Variants in NDUFAF3 observed in about 807,000 individuals in gnomAD.
NDUFAF3 encodes the protein NADH dehydrogenase [ubiquinone] 1 alpha subcomplex assembly factor 3.
In NDUFAF3, 21 loss-of-function variants were observed where a neutral mutation model predicts 22.6. The ratio of observed to expected loss-of-function variants is 0.93; its 90% CI spans 0.66 to 1.34. NDUFAF3 has a LOEUF of 1.34. Ranked by LOEUF, NDUFAF3 falls within the 40% of genes most tolerant of loss-of-function variation. NDUFAF3 has a pLI of 0.00. For synonymous variants in NDUFAF3, 113 were observed against 104.9 expected, an observed-to-expected ratio of 1.08 and a Z score of -0.47; for missense variants, 251 against 248.4, an observed-to-expected ratio of 1.01 and a Z score of -0.07.
In NDUFAF3 at chr3:49,022,821, C is replaced by A. The variant is rs2093174988; in HGVS notation, c.337+53C>A. Reference sequence around the variant, plus strand: ...GGTGTTCTGGGCCCCAGAAGGCGACCCCCACTGCAGCCTCTCAACAGAACT... The same window carrying A: ...GGTGTTCTGGGCCCCAGAAGGCGACACCCACTGCAGCCTCTCAACAGAACT... On this transcript the variant is annotated intron_variant, in intron 3 of 4. Transcript: ENST00000326925. The surrounding 1 kb of genome is among the most constrained non-coding windows in gnomAD (Gnocchi z 6.6). 6.2e-7 allele frequency: 1 copy of A among 1,612,876 alleles called. No individual in the cohort carries two copies. Among genetic ancestry groups the A allele is most frequent in the African/African-American group, 1.3e-5 (1 of 74,874 alleles).
rs1176281752 is a variant in NDUFAF3, at chr3:49,022,543, G to A, written c.270+5G>A. ...CACTCGGTGGTGCAGTGGAACGTGA[G>A]TCCTGGCCCGCAGTGTGGAAACTGA... is the stretch of plus-strand genomic sequence containing the variant. On this transcript the variant is annotated splice_donor_5th_base_variant and intron_variant, in intron 2 of 4. Transcript: ENST00000326925. The surrounding 1 kb of genome is among the most constrained non-coding windows in gnomAD (Gnocchi z 6.6). 1 of 1,613,296 alleles carries A rather than the reference G, an allele frequency of 6.2e-7. No homozygotes were observed. Among genetic ancestry groups the A allele is most frequent in the Admixed American group, 1.7e-5 (1 of 60,018 alleles).
At chr3:49,021,344 G>C (rs2106763517), upstream of NDUFAF3, 1 of 152,726 alleles carries the variant, frequency 6.5e-6, no homozygotes, top group Admixed American at 6.5e-5. This position sits in a 1 kb window ranked among gnomAD's most constrained non-coding sequence, Gnocchi z 4.1. Context: ...CCTTGACTTG[G>C]ATCAAGACGG....
rs1179323912 is a variant in NDUFAF3, at chr3:49,022,812, G to A, written c.337+44G>A. 1.2e-6 allele frequency: 2 copies of A among 1,613,440 alleles called. No homozygotes were observed. The highest frequency in any genetic ancestry group is 1.7e-6 in the Non-Finnish European group (2 of 1,179,908). On this transcript the variant is annotated intron_variant, in intron 3 of 4. Coordinates refer to ENST00000326925, the MANE Select transcript of NDUFAF3 (RefSeq NM_199069.2). The surrounding 1 kb of genome is among the most constrained non-coding windows in gnomAD (Gnocchi z 6.6). Reference sequence around the variant, plus strand: ...GAGAACAGAGGTGTTCTGGGCCCCAGAAGGCGACCCCCACTGCAGCCTCTC... The same window carrying A: ...GAGAACAGAGGTGTTCTGGGCCCCAAAAGGCGACCCCCACTGCAGCCTCTC...
Position 49,022,191 on chromosome 3 carries a change from C to T in NDUFAF3, c.47C>T (p.Ser16Leu), listed in dbSNP as rs755676983. Residue 16 changes from serine to leucine, a missense_variant, in exon 1 of 5, where the codon TCG becomes TTG. Physicochemically the swap from Ser to Leu is moderately radical, Grantham distance 145. Transcript: ENST00000326925. The surrounding 1 kb of genome is among the most constrained non-coding windows in gnomAD (Gnocchi z 6.6). ...CGTAGCTTGTACCGAGCGCGACCCTCGCTGCGCTGTCCGCCCGTTGAGCTT... is the reference window on the plus strand; with the variant it reads ...CGTAGCTTGTACCGAGCGCGACCCTTGCTGCGCTGTCCGCCCGTTGAGCTT... ...ALRSLYRARP[S>L]LRCPPVELPW... 43 of 1,610,642 alleles carry T rather than the reference C, an allele frequency of 2.7e-5. No homozygotes were observed. Among genetic ancestry groups the T allele is most frequent in the Non-Finnish European group, 3.6e-5 (43 of 1,179,664 alleles).
chr3:49,022,093 C>A, upstream of NDUFAF3: 2 of 1,568,024 alleles, frequency 1.3e-6, no homozygotes, highest in Non-Finnish European at 1.7e-6. This position sits in a 1 kb window ranked among gnomAD's most constrained non-coding sequence, Gnocchi z 6.6. Context: ...AGGGCCCTCC[C>A]AACCCGGGGA....
chr3:49,022,092 C>G, upstream of NDUFAF3: 1 of 1,567,742 alleles, frequency 6.4e-7, no homozygotes, highest in Non-Finnish European at 8.6e-7. This position sits in a 1 kb window ranked among gnomAD's most constrained non-coding sequence, Gnocchi z 6.6. Context: ...CAGGGCCCTC[C>G]CAACCCGGGG....
At chr3:49,022,015 G>GC, upstream of NDUFAF3, 1 of 953,660 alleles carries the variant, frequency 1.0e-6, no homozygotes, top group Non-Finnish European at 1.6e-6. This position sits in a 1 kb window ranked among gnomAD's most constrained non-coding sequence, Gnocchi z 6.6. Context: ...CGCCTGCTGG[G>GC]CCGGTCGAGC....
Position 49,023,339 on chromosome 3 carries a change from T to A in NDUFAF3, c.*167T>A, listed in dbSNP as rs1361149612. 1.4e-6 allele frequency: 1 copy of A among 697,210 alleles called. No homozygotes were observed. The highest frequency in any genetic ancestry group is 2.7e-5 in the East Asian group (1 of 37,572). 43.2% of individuals were successfully genotyped at this position (697,210 alleles called of 1,614,324 possible). A position where few individuals can be genotyped will look rare whatever the true frequency, so the allele number is the denominator to read the frequency against. On this transcript the variant is annotated 3_prime_UTR_variant, in exon 5 of 5. Coordinates refer to ENST00000326925, the MANE Select transcript of NDUFAF3 (RefSeq NM_199069.2). Reference sequence around the variant, plus strand: ...AGGAGCTGATGGCTCACTGGGCTCTTGGAGGGGAATGTGAAGAAACCAAGG... The same window carrying A: ...AGGAGCTGATGGCTCACTGGGCTCTAGGAGGGGAATGTGAAGAAACCAAGG...
In NDUFAF3 at chr3:49,023,077, A is replaced by G. The variant is rs564253546; in HGVS notation, c.460A>G (p.Asn154Asp). The change falls in exon 5 of 5, where the codon AAC becomes GAC. Residue 154 changes from asparagine (N) to aspartate (D), a missense_variant. Coordinates refer to ENST00000326925, the MANE Select transcript of NDUFAF3 (RefSeq NM_199069.2). Reference protein sequence around the residue: ...QDTPNACATFNFLCHEGRVTG... With the variant: ...QDTPNACATFDFLCHEGRVTG... ...GCAGCCCAATGCCTGTGCCACCTTC[A>G]ACTTCCTGTGTCATGAAGGCCGAGT... The G allele has an allele frequency of 6.2e-7, 1 of 1,614,128 alleles. No individual in the cohort carries two copies. Among genetic ancestry groups the G allele is most frequent in the Admixed American group, 1.7e-5 (1 of 60,022 alleles).
In NDUFAF3 at chr3:49,022,129, C is replaced by T. The variant is rs772899055; in HGVS notation, c.-16C>T. The T allele has an allele frequency of 3.1e-6, 5 of 1,604,538 alleles. No homozygotes were observed. Among genetic ancestry groups the T allele is most frequent in the Admixed American group, 1.7e-5 (1 of 59,608 alleles). On this transcript the variant is annotated 5_prime_UTR_variant, in exon 1 of 5. Coordinates refer to ENST00000326925, the MANE Select transcript of NDUFAF3 (RefSeq NM_199069.2). This position sits in a 1 kb window ranked among gnomAD's most constrained non-coding sequence, Gnocchi z 6.6. ...CTAACGGCGCCGGTGACGACTTCGC[C>T]GCGCGTTGGTCAGCCATGGCCACCG...
At chr3:49,021,478 T>C (rs1373469084), upstream of NDUFAF3, 4 of 154,356 alleles carry the variant, frequency 2.6e-5, no homozygotes, top group African/African-American at 7.2e-5. The surrounding 1 kb of genome is among the most constrained non-coding windows in gnomAD (Gnocchi z 4.1). Flanking sequence ...ACCCAAACAC[T>C]ATCACAGCTT....
chr3:49,020,488 C>T (rs2093144227), upstream of NDUFAF3: 1 of 386,904 alleles, frequency 2.6e-6, no homozygotes, highest in Non-Finnish European at 5.4e-6. Flanking sequence ...TGGCCACCAG[C>T]CTCGGCTCTC....
At chr3:49,020,766 G>T (rs1005337641), upstream of NDUFAF3, 12 of 431,772 alleles carry the variant, frequency 2.8e-5, no homozygotes, top group Admixed American at 3.0e-4. Context: ...GGCCACATCA[G>T]AACCCGCCCA....
rs1388292146 is a variant in NDUFAF3, at chr3:49,022,454, C to G, written c.186C>G (p.Ser62Arg). The change falls in exon 2 of 5, where the codon AGC becomes AGG. Residue 62 changes from serine (S) to arginine (R), a missense_variant. Transcript: ENST00000326925. The surrounding 1 kb of genome is among the most constrained non-coding windows in gnomAD (Gnocchi z 6.6). The stretch of plus-strand genomic sequence containing the variant: ...CCGCTCAGGCAATGTACATCGACAG[C>G]TACAACAGCCGCGGCTTCATGATAA... ...REAAQAMYID[S>R]YNSRGFMING... 2.5e-6 allele frequency: 4 copies of G among 1,612,982 alleles called. No individual in the cohort carries two copies. The South Asian group carries it at 4.4e-5, about 18-fold the overall frequency.
At chr3:49,020,651 G>C, upstream of NDUFAF3, 2 of 490,322 alleles carry the variant, frequency 4.1e-6, no homozygotes, top group Non-Finnish European at 8.4e-6. Flanking sequence ...TCCAAGCGCA[G>C]CTGGAATGCT....
chr3:49,022,018 G>C (rs74601553), upstream of NDUFAF3: 478 of 985,652 alleles, frequency 4.8e-4, 1 homozygote, highest in African/African-American at 6.8e-3. This position sits in a 1 kb window ranked among gnomAD's most constrained non-coding sequence, Gnocchi z 6.6. Flanking sequence ...CTGCTGGGCC[G>C]GTCGAGCTGT....
chr3:49,020,950 G>A (rs1487701395), upstream of NDUFAF3: 14 of 173,544 alleles, frequency 8.1e-5, no homozygotes. Context: ...GTCCCACGAA[G>A]CCTGGGCCAC....
Position 49,022,978 on chromosome 3 carries a change from T to C in NDUFAF3, c.438+2T>C, listed in dbSNP as rs760110342. The C allele has an allele frequency of 6.2e-7, 1 of 1,613,988 alleles. No individual in the cohort carries two copies. Among genetic ancestry groups the C allele is most frequent in the Non-Finnish European group, 8.5e-7 (1 of 1,179,962 alleles). On this transcript the variant is annotated splice_donor_variant, in intron 4 of 4. Transcript: ENST00000326925. LOFTEE classifies it high-confidence loss of function. This position sits in a 1 kb window ranked among gnomAD's most constrained non-coding sequence, Gnocchi z 6.6. Reference sequence around the variant, plus strand: ...ATTGCTGTGGAAGTGCAGGACACGGTGAGTCCCGGGACTGGGGCATGCTGC... The same window carrying C: ...ATTGCTGTGGAAGTGCAGGACACGGCGAGTCCCGGGACTGGGGCATGCTGC...
rs755589056 is a variant in NDUFAF3 at position 49,023,150 on chromosome 3, C to T, written c.533C>T (p.Ser178Phe). The T allele has an allele frequency of 6.2e-6, 10 of 1,613,938 alleles. No homozygotes were observed. The highest frequency in any genetic ancestry group is 1.3e-5 in the African/African-American group (1 of 74,930). ...CCACCAGGAGGGACTTCACTTACAT[C>T]TTTGGGCCAAGCTGCTCAATGAACC... ...IPPPGGTSLT[S>F]LGQAAQ is the part of the protein sequence containing the mutation. The change falls in exon 5 of 5, where the codon TCT becomes TTT. Residue 178 changes from serine to phenylalanine, a missense_variant. Coordinates refer to ENST00000326925, the MANE Select transcript of NDUFAF3 (RefSeq NM_199069.2).
Sources: allele counts gnomAD v4.1 joint callset, GRCh38; gene constraint gnomAD v4.1.1; non-coding constraint Gnocchi (gnomAD v3.1); transcripts MANE v1.5; gene names NCBI Gene and HGNC (gene_info 2026-07-23, HGNC 2026-07-21).